Variants in LYSMD1 observed in about 807,000 individuals in gnomAD.
LYSMD1 encodes lysM and putative peptidoglycan-binding domain-containing protein 1.
LYSMD1 carries 9 observed loss-of-function variants against 19.3 expected under a neutral mutation model. The ratio of observed to expected loss-of-function variants is 0.47; its 90% CI spans 0.28 to 0.81. The LOEUF is 0.81. Ranked by LOEUF, LYSMD1 falls within the 40% of genes least tolerant of loss-of-function variation. The probability of loss-of-function intolerance (pLI) is 0.11; values close to 1 mark genes in which losing one functional copy is unlikely to be tolerated. For missense variants in LYSMD1, 262 were observed against 279.8 expected, an observed-to-expected ratio of 0.94 and a Z score of 0.45; for synonymous variants, 111 against 111.7, an observed-to-expected ratio of 0.99 and a Z score of 0.04.
chr1:151,150,598 C>A, the LYSMD1 span, among the ~76,000 whole-genome samples: 48 of 152,256 alleles, frequency 3.2e-4, no homozygotes, highest in Admixed American at 3.9e-4. Flanking sequence ...TTGACTCCCC[C>A]CTCCTTGAAA....
At chr1:151,164,967 G>T in intron 1 of LYSMD1, 112 bp downstream of exon 1, 1 of 870,636 alleles carries the variant, frequency 1.1e-6, no homozygotes, top group Non-Finnish European at 1.8e-6. Flanking sequence ...GCAGAACAGA[G>T]TGCAACACAT....
At chr1:151,164,842 A>C (rs1683606268) in intron 1 of LYSMD1, among the ~76,000 whole-genome samples, 1 of 152,204 alleles carries the variant, frequency 6.6e-6, no homozygotes, top group Non-Finnish European at 1.5e-5. Flanking sequence ...AAATGAGCTA[A>C]CGTATGTGAA....
chr1:151,150,731 CTTTTCTT>C, the LYSMD1 span, among the ~76,000 whole-genome samples: 1 of 143,756 alleles, frequency 7.0e-6, no homozygotes, highest in African/African-American at 2.6e-5. Context: ...CTTTTCTTTT[CTTTTCTT>C]TTTTTTTTTT....
rs1401380710 is a variant in LYSMD1, at chr1:151,165,025, T to C, written c.180+54A>G. 2.6e-6 allele frequency: 4 copies of C among 1,524,350 alleles called. No homozygotes were observed. In the East Asian group the frequency reaches 9.1e-5, roughly 35 times the overall value. 94.4% of individuals were successfully genotyped at this position (1,524,350 alleles called of 1,614,324 possible). Reference sequence around the variant, plus strand: ...ACCTAGAAGGGCCACTACATTCTTCTCAGGACTAAATCCCTCCTGACTGTT... The same window carrying C: ...ACCTAGAAGGGCCACTACATTCTTCCCAGGACTAAATCCCTCCTGACTGTT... On this transcript the variant is annotated intron_variant, in intron 1 of 2. Transcript: ENST00000368908.
At position 151,165,717 on chromosome 1, in the gene LYSMD1, G is replaced by A. The variant is rs1161631889; in HGVS notation, c.-459C>T. ...GGTGAACTGTCGCCGCAGACGAAGAGCGTGAGGATTGCAAGAATTTGTAGT... is the reference window on the plus strand; with the variant it reads ...GGTGAACTGTCGCCGCAGACGAAGAACGTGAGGATTGCAAGAATTTGTAGT... On this transcript the variant is annotated 5_prime_UTR_variant, in exon 1 of 3. Transcript: ENST00000368908. 1.9e-6 allele frequency: 3 copies of A among 1,551,732 alleles called. No homozygotes were observed. In the East Asian group the frequency reaches 7.3e-5, roughly 38 times the overall value.
chr1:151,165,359 T>G lies in LYSMD1; in HGVS notation c.-101A>C. The G allele has an allele frequency of 6.6e-7, 1 of 1,512,138 alleles. No homozygotes were observed. Among genetic ancestry groups the G allele is most frequent in the Non-Finnish European group, 8.8e-7 (1 of 1,131,264 alleles). 93.7% of individuals were successfully genotyped at this position (1,512,138 alleles called of 1,614,324 possible). On this transcript the variant is annotated 5_prime_UTR_variant, in exon 1 of 3. Transcript: ENST00000368908. The stretch of plus-strand genomic sequence containing the variant: ...TGGGAATGAATATTCAGGGGATTCC[T>G]TTCCCCCTCTCTCTTCCCCTGTGTC...
chr1:151,164,693 A>C (rs1435559926), intron 1 of LYSMD1, among the ~76,000 whole-genome samples: 1 of 152,196 alleles, frequency 6.6e-6, no homozygotes, highest in East Asian at 1.9e-4. Flanking sequence ...TGGTTAATAG[A>C]GTCAGACAGA....
Position 151,160,774 on chromosome 1 carries a change from T to G in LYSMD1, c.*108A>C. 1 of 1,358,234 alleles carries G rather than the reference T, an allele frequency of 7.4e-7. No homozygotes were observed. Among genetic ancestry groups the G allele is most frequent in the South Asian group, 1.4e-5 (1 of 69,586 alleles). The allele number at this position is 1,358,234 out of a possible 1,614,324, so 84.1% of individuals were successfully genotyped here. On this transcript the variant is annotated 3_prime_UTR_variant, in exon 3 of 3. Transcript: ENST00000368908. ...AGGAGGCTGGGGAGGATGGCTGGAG[T>G]GGAGGGAGGCAGGCTCATAAGCCAT...
chr1:151,150,741 T>C, the LYSMD1 span, among the ~76,000 whole-genome samples: 6 of 149,302 alleles, frequency 4.0e-5, no homozygotes, highest in East Asian at 1.9e-4. Flanking sequence ...CTTTTCTTTT[T>C]TTTTTTTTTT....
intron 1 of LYSMD1, among the ~76,000 whole-genome samples, chr1:151,162,638 A>G (rs1239885664): frequency 6.6e-6 from 1 of 152,122 alleles, no homozygotes; most frequent in East Asian, 1.9e-4. Flanking sequence ...ATTTATTTTG[A>G]CCTATTTATT....
In LYSMD1 at chr1:151,165,234, G is replaced by A. The variant is rs1220287562; in HGVS notation, c.25C>T (p.Pro9Ser). MASPSRQP[P>S]PGGSGLLQGS... ...TGAAGCAGTCCTGACCCCCCTGGCG[G>A]GGGCTGTCTAGACGGGGAAGCCATC... Residue 9 changes from proline (P) to serine (S), a missense_variant, in exon 1 of 3, where the codon CCG (proline) becomes TCG (serine). Coordinates refer to ENST00000368908, the MANE Select transcript of LYSMD1 (RefSeq NM_212551.5). 1 of 1,613,854 alleles carries A rather than the reference G, an allele frequency of 6.2e-7. No individual in the cohort carries two copies. The highest frequency in any genetic ancestry group is 1.7e-5 in the Admixed American group (1 of 59,982).
At chr1:151,153,880 G>A in the LYSMD1 span, among the ~76,000 whole-genome samples, 1 of 151,678 alleles carries the variant, frequency 6.6e-6, no homozygotes, top group Non-Finnish European at 1.5e-5. Flanking sequence ...TTGAACCCGG[G>A]AGGCAGAGGT....
chr1:151,149,497 C>A, the LYSMD1 span, among the ~76,000 whole-genome samples: 1 of 152,178 alleles, frequency 6.6e-6, no homozygotes, highest in Non-Finnish European at 1.5e-5. Context: ...GGCCTGTAAT[C>A]CTAGCACTTT....
chr1:151,163,999 T>A (rs942788687), intron 1 of LYSMD1, among the ~76,000 whole-genome samples: 1 of 151,160 alleles, frequency 6.6e-6, no homozygotes, highest in African/African-American at 2.4e-5. Flanking sequence ...GTTCAAGCGA[T>A]TCTCCCGCCT....
At chr1:151,157,986 C>T (rs746121848), downstream of LYSMD1, among the ~76,000 whole-genome samples, 1 of 152,162 alleles carries the variant, frequency 6.6e-6, no homozygotes, top group Non-Finnish European at 1.5e-5. Flanking sequence ...ATCTATGCCA[C>T]ACAGACATAT....
At chr1:151,164,070 T>C (rs1460241568) in intron 1 of LYSMD1, among the ~76,000 whole-genome samples, 1 of 152,056 alleles carries the variant, frequency 6.6e-6, no homozygotes, top group Non-Finnish European at 1.5e-5. Flanking sequence ...ATTTTTGTAT[T>C]TTTAGTAGAG....
Position 151,161,015 on chromosome 1 carries a change from G to C in LYSMD1, c.551C>G (p.Pro184Arg), listed in dbSNP as rs759948315. The part of the protein sequence containing the change: ...QKLKKGENGV[P>R]GEDAGLHLSS... ...CAGGTGGAGACCTGCATCCTCCCCA[G>C]GTACCCTGCAATTGAGGAAAGGGGG... is the stretch of plus-strand genomic sequence containing the variant. The change falls in exon 3 of 3, where the codon CCT (proline) becomes CGT (arginine). Residue 184 changes from proline (P) to arginine (R), a missense_variant. Pro to Arg is a moderately radical substitution (Grantham distance 103). Coordinates refer to ENST00000368908, the MANE Select transcript of LYSMD1 (RefSeq NM_212551.5). The C allele has an allele frequency of 6.2e-7, 1 of 1,613,776 alleles. No individual in the cohort carries two copies. The highest frequency in any genetic ancestry group is 8.5e-7 in the Non-Finnish European group (1 of 1,179,728).
Position 151,162,092 on chromosome 1 carries a change from C to A in LYSMD1, c.189G>T (p.Gln63His). ...LALKYGVTME[Q>H]IKRANRLYTN... Reference sequence around the variant, plus strand: ...TATAAAGGCGGTTTGCACGTTTAATCTGTTCCATCTTAAAAAAAAAAGTCA... The same window carrying A: ...TATAAAGGCGGTTTGCACGTTTAATATGTTCCATCTTAAAAAAAAAAGTCA... Residue 63 changes from glutamine to histidine, a missense_variant, in exon 2 of 3, where the codon CAG becomes CAT. By Grantham distance (24) the Gln-to-His change is conservative. Coordinates refer to ENST00000368908, the MANE Select transcript of LYSMD1 (RefSeq NM_212551.5). 1 of 1,571,916 alleles carries A rather than the reference C, an allele frequency of 6.4e-7. No homozygotes were observed. The highest frequency in any genetic ancestry group is 8.5e-7 in the Non-Finnish European group (1 of 1,171,792).
At chr1:151,162,441 T>C (rs1558201612) in intron 1 of LYSMD1, among the ~76,000 whole-genome samples, 1 of 151,968 alleles carries the variant, frequency 6.6e-6, no homozygotes, top group Non-Finnish European at 1.5e-5. Context: ...ATTAAAAAAT[T>C]AAAAATAAAT....
Sources: gnomAD v4.1 joint callset for allele counts (sites outside exome capture counted in the v4.1 genomes callset) on GRCh38, gnomAD v4.1.1 for gene constraint, MANE v1.5 for transcripts, NCBI Gene and HGNC (gene_info 2026-07-23, HGNC 2026-07-21) for gene names.